PCDH15: variants seen among roughly 807,000 people sequenced by gnomAD.
PCDH15 encodes protocadherin related 15.
In PCDH15, 129 loss-of-function variants were observed where a neutral mutation model predicts 178.5. That is an observed-to-expected ratio of 0.72 (90% CI 0.63 to 0.84). PCDH15 has a LOEUF of 0.84. PCDH15 is among the 40% of genes least tolerant of loss of function. PCDH15 has a pLI of 0.00. For missense variants in PCDH15, 2,230 were observed against 2,099.9 expected, an observed-to-expected ratio of 1.06 and a Z score of -1.21; for synonymous variants, 800 against 732.0, an observed-to-expected ratio of 1.09 and a Z score of -1.50.
chr10:54,578,112 GT>G (rs1413731544), intron 2 of PCDH15, among the ~76,000 whole-genome samples: 1 of 152,040 alleles, frequency 6.6e-6, no homozygotes, highest in Non-Finnish European at 1.5e-5. Context: ...TCTATGTAGT[GT>G]TTTAAAATGT....
intron 3 of PCDH15, among the ~76,000 whole-genome samples, chr10:54,821,009 C>T (rs1953028620): frequency 6.6e-6 from 1 of 151,974 alleles, no homozygotes; most frequent in African/African-American, 2.4e-5. Flanking sequence ...ATGATGGATA[C>T]AGTACCTCTT....
rs543424249 is a variant in PCDH15, at chr10:53,821,754, T to A, written c.4368-1524A>T. 1.2e-4 allele frequency: 187 copies of A among 1,555,530 alleles called. 1 individual carries two copies. In the Admixed American group the frequency reaches 3.4e-3, roughly 28 times the overall value. Reference sequence around the variant, plus strand: ...AGAAAAAAAACTGCATTTCATTGAATTTGGGGTAAAATAATAGAGTCTTCT... The same window carrying A: ...AGAAAAAAAACTGCATTTCATTGAAATTGGGGTAAAATAATAGAGTCTTCT... On this transcript the variant is annotated intron_variant, in intron 32 of 37. Coordinates refer to ENST00000644397, the MANE Select transcript of PCDH15 (RefSeq NM_001384140.1).
intron 15 of PCDH15, among the ~76,000 whole-genome samples, chr10:54,124,761 A>G (rs2041848074): frequency 6.6e-6 from 1 of 152,196 alleles, no homozygotes; most frequent in African/African-American, 2.4e-5. Context: ...CAGAGCAAAA[A>G]TGCATCCTAT....
intron 2 of PCDH15, among the ~76,000 whole-genome samples, chr10:55,580,493 G>A (rs560282970): frequency 6.6e-6 from 1 of 151,838 alleles, no homozygotes; most frequent in East Asian, 1.9e-4. Context: ...GAGCAGCTGG[G>A]ATTACAGGTG....
chr10:54,022,146 T>G (rs966138687), intron 19 of PCDH15, among the ~76,000 whole-genome samples: 1 of 151,892 alleles, frequency 6.6e-6, no homozygotes, highest in Non-Finnish European at 1.5e-5. Flanking sequence ...ACATACCTTA[T>G]AGACCAACTG....
rs571016693 is a variant in PCDH15 at position 53,878,541 on chromosome 10, A to AATG, written c.3502-11685_3502-11684insCAT. Among the ~76,000 whole-genome samples, 1,452 of 145,646 alleles carry AATG rather than the reference A, an allele frequency of 1.0e-2. 23 individuals carry two copies. Among genetic ancestry groups the AATG allele is most frequent in the African/African-American group, 0.034 (1,373 of 39,808 alleles). On this transcript the variant is annotated intron_variant, in intron 26 of 37. Coordinates refer to ENST00000644397, the MANE Select transcript of PCDH15 (RefSeq NM_001384140.1). ...GTGTGTGTATATATATATATATAATAAAACACTGAATAAAGCAATCAAACC... is the reference window on the plus strand; with the variant it reads ...GTGTGTGTATATATATATATATAATAATGAAACACTGAATAAAGCAATCAAACC...
intron 21 of PCDH15, among the ~76,000 whole-genome samples, chr10:53,978,591 G>A (rs759013298): frequency 1.3e-5 from 2 of 151,724 alleles, no homozygotes; most frequent in African/African-American, 4.8e-5. Flanking sequence ...GTCATGGTGA[G>A]TAACATTTGG....
chr10:55,330,550 G>A, intron 2 of PCDH15, among the ~76,000 whole-genome samples: 1 of 151,756 alleles, frequency 6.6e-6, no homozygotes, highest in South Asian at 2.1e-4. Context: ...GGGTTGTCAA[G>A]TCCTAATACA....
chr10:54,075,205 A>G (rs1437501469), intron 17 of PCDH15, among the ~76,000 whole-genome samples: 2 of 151,992 alleles, frequency 1.3e-5, no homozygotes, highest in East Asian at 3.9e-4. Context: ...GTGAAACCCC[A>G]TCTCTCCTAA....
intron 3 of PCDH15, among the ~76,000 whole-genome samples, chr10:54,886,020 C>A (rs377292692): frequency 6.6e-6 from 1 of 151,048 alleles, no homozygotes; most frequent in African/African-American, 2.4e-5. Flanking sequence ...CACTGTTTTT[C>A]TCTCTCTCTC....
At chr10:54,071,499 C>T (rs1259436040) in intron 17 of PCDH15, among the ~76,000 whole-genome samples, 2 of 152,040 alleles carry the variant, frequency 1.3e-5, no homozygotes, top group African/African-American at 4.8e-5. Flanking sequence ...TTAATTTTTA[C>T]ATCTTTTGAC....
intron 2 of PCDH15, among the ~76,000 whole-genome samples, chr10:55,154,610 A>C (rs1838832517): frequency 6.6e-6 from 1 of 152,178 alleles, no homozygotes; most frequent in Non-Finnish European, 1.5e-5. Flanking sequence ...ACTATGCTTC[A>C]TGCCATGTTA....
rs1043476099 is a variant in PCDH15 at position 55,505,013 on chromosome 10, A to G, written c.-156+122612T>C. Among the ~76,000 whole-genome samples the G allele has an allele frequency of 2.6e-5, 4 of 151,444 alleles. No homozygotes were observed. The Admixed American group carries it at 2.6e-4, about 10-fold the overall frequency. On this transcript the variant is annotated intron_variant, in intron 2 of 5. Coordinates refer to the PCDH15 transcript ENST00000613346. ...CAAATAGGAGTTTGTCATAAGAGCTAATTTCAGGGCTTTACAATGTTCTGA... is the reference window on the plus strand; with the variant it reads ...CAAATAGGAGTTTGTCATAAGAGCTGATTTCAGGGCTTTACAATGTTCTGA...
At chr10:54,281,561 A>G (rs909186744) in intron 8 of PCDH15, among the ~76,000 whole-genome samples, 1 of 152,058 alleles carries the variant, frequency 6.6e-6, no homozygotes, top group African/African-American at 2.4e-5. Flanking sequence ...TTCATGTGGT[A>G]AATACCAGCA....
chr10:55,140,480 T>G (rs1305590970), intron 2 of PCDH15, among the ~76,000 whole-genome samples: 3 of 151,988 alleles, frequency 2.0e-5, no homozygotes, highest in African/African-American at 4.8e-5. Context: ...TTTTTCTTCT[T>G]TAGCCTATGT....
intron 2 of PCDH15, among the ~76,000 whole-genome samples, chr10:54,540,243 T>G (rs1196886316): frequency 6.6e-6 from 1 of 152,098 alleles, no homozygotes; most frequent in East Asian, 1.9e-4. Context: ...ATAAGATCTA[T>G]AGACCACTGA....
Position 54,329,717 on chromosome 10 carries a change from TAA to T in PCDH15, c.595-13_595-12del. On this transcript the variant is annotated splice_polypyrimidine_tract_variant and intron_variant, in intron 6 of 37. Coordinates refer to ENST00000644397, the MANE Select transcript of PCDH15 (RefSeq NM_001384140.1). The stretch of plus-strand genomic sequence containing the variant: ...GGTGTCATTGGATGTCTGCAAATAT[TAA>T]AGATACAGACTTCAGATTATTTGAA... 6.9e-7 allele frequency: 1 copy of T among 1,455,628 alleles called. No homozygotes were observed. The highest frequency in any genetic ancestry group is 9.7e-7 in the Non-Finnish European group (1 of 1,035,998). The allele number at this position is 1,455,628 out of a possible 1,614,324, so 90.2% of individuals were successfully genotyped here.
chr10:55,004,974 T>A (rs958149547), intron 2 of PCDH15, among the ~76,000 whole-genome samples: 10 of 152,120 alleles, frequency 6.6e-5, no homozygotes, highest in Non-Finnish European at 1.3e-4. Flanking sequence ...CATACTGGTG[T>A]TCCAATGATA....
At chr10:53,948,885 A>C (rs1435587177) in intron 23 of PCDH15, among the ~76,000 whole-genome samples, 14 of 152,212 alleles carry the variant, frequency 9.2e-5, no homozygotes, top group Admixed American at 9.2e-4. Flanking sequence ...TGTCTCAAAT[A>C]TGTTTGCATT....
Sources: allele counts gnomAD v4.1 joint callset (sites outside exome capture counted in the v4.1 genomes callset), GRCh38; gene constraint gnomAD v4.1.1; transcripts MANE v1.5; gene names NCBI Gene and HGNC (gene_info 2026-07-23, HGNC 2026-07-21).